The following EFCAB6 variants were observed in gnomAD, a reference collection of about 807,000 sequenced individuals.
EFCAB6 encodes the protein EF-hand calcium binding domain 6.
In EFCAB6, 156 loss-of-function variants were observed where a neutral mutation model predicts 169.8. The ratio of observed to expected loss-of-function variants is 0.92; its 90% CI spans 0.81 to 1.05. EFCAB6 has a LOEUF of 1.05. Ranked by LOEUF, EFCAB6 falls within the 50% of genes least tolerant of loss-of-function variation. The probability of loss-of-function intolerance (pLI) is 0.00; values close to 1 mark genes in which losing one functional copy is unlikely to be tolerated. For synonymous variants in EFCAB6, 698 were observed against 676.4 expected (o/e 1.03, Z -0.50); for missense variants, 1,800 against 1,829.1 (o/e 0.98, Z 0.29).
At chr22:43,529,490 G>T (rs1298136150) in intron 31 of EFCAB6, among the ~76,000 whole-genome samples, 1 of 152,202 alleles carries the variant, frequency 6.6e-6, no homozygotes, top group African/African-American at 2.4e-5. Context: ...CTCTCTCCCA[G>T]CTCCTCTGTA....
At chr22:43,771,946 A>C (rs1263676436) in intron 4 of EFCAB6, among the ~76,000 whole-genome samples, 3 of 152,158 alleles carry the variant, frequency 2.0e-5, no homozygotes, top group African/African-American at 7.2e-5. Context: ...GCAGGCATCC[A>C]AGCTTTCACA....
In EFCAB6 at chr22:43,676,290, G is replaced by C. The variant is rs180918306; in HGVS notation, c.1419+1706C>G. 2.1e-3 allele frequency among the ~76,000 whole-genome samples: 312 copies of C among 151,784 alleles called. 1 individual carries two copies. The highest frequency in any genetic ancestry group is 2.4e-3 in the Non-Finnish European group (161 of 67,950). On this transcript the variant is annotated intron_variant, in intron 13 of 31. Coordinates refer to ENST00000262726, the MANE Select transcript of EFCAB6 (RefSeq NM_022785.4). ...AAATTAGCCGGGTGTGGTGGTAGGC[G>C]CCTATAGTCCCAGCTACTTGGGAGG...
At chr22:43,798,170 G>C (rs960748496) in intron 2 of EFCAB6, among the ~76,000 whole-genome samples, 6 of 152,046 alleles carry the variant, frequency 3.9e-5, no homozygotes, top group Non-Finnish European at 5.9e-5. Flanking sequence ...TGAATCACAA[G>C]GTCAGGAGTT....
chr22:43,768,775 C>T (rs2061389283), intron 4 of EFCAB6, among the ~76,000 whole-genome samples: 1 of 152,106 alleles, frequency 6.6e-6, no homozygotes. Flanking sequence ...TTTGCTCTTC[C>T]TGCATAACTG....
intron 10 of EFCAB6, among the ~76,000 whole-genome samples, chr22:43,689,743 G>C (rs1001845520): frequency 1.3e-5 from 2 of 152,156 alleles, no homozygotes; most frequent in African/African-American, 4.8e-5. Context: ...AGTGCAAAGT[G>C]GGAAAGGGAG....
At chr22:43,606,475 G>A (rs902652791) in intron 22 of EFCAB6, among the ~76,000 whole-genome samples, 10 of 152,222 alleles carry the variant, frequency 6.6e-5, no homozygotes, top group Admixed American at 2.0e-4. Context: ...TGCATGCCAC[G>A]CCCTGGGCTA....
intron 22 of EFCAB6, among the ~76,000 whole-genome samples, chr22:43,605,178 G>A (rs1263286430): frequency 6.6e-6 from 1 of 152,158 alleles, no homozygotes; most frequent in Non-Finnish European, 1.5e-5. Context: ...ATCGGATGTC[G>A]CTGACTCTAT....
chr22:43,594,441 T>C (rs561503613), intron 23 of EFCAB6, among the ~76,000 whole-genome samples: 1 of 151,984 alleles, frequency 6.6e-6, no homozygotes, highest in Non-Finnish European at 1.5e-5. Context: ...AGTAAAGAAA[T>C]TGAAAAAGAT....
intron 17 of EFCAB6, among the ~76,000 whole-genome samples, chr22:43,655,833 G>A (rs767275669): frequency 1.5e-4 from 23 of 152,112 alleles, no homozygotes; most frequent in African/African-American, 2.7e-4. Flanking sequence ...AAAGAAAGCC[G>A]AAGTGACTAC....
intron 6 of EFCAB6, among the ~76,000 whole-genome samples, chr22:43,739,695 T>A (rs960474244): frequency 6.6e-6 from 1 of 152,142 alleles, no homozygotes; most frequent in Non-Finnish European, 1.5e-5. Context: ...GATTCCTTTT[T>A]GTTCACATCC....
intron 22 of EFCAB6, among the ~76,000 whole-genome samples, chr22:43,601,297 T>C (rs2052505892): frequency 6.6e-6 from 1 of 152,260 alleles, no homozygotes; most frequent in African/African-American, 2.4e-5. Flanking sequence ...ATAGAATTAC[T>C]TCAATAAAAA....
At chr22:43,731,416 C>T (rs368268994) in intron 8 of EFCAB6, among the ~76,000 whole-genome samples, 20 of 152,298 alleles carry the variant, frequency 1.3e-4, no homozygotes, top group African/African-American at 1.7e-4. Flanking sequence ...TTTTCCAATC[C>T]GCTACAGATA....
intron 2 of EFCAB6, among the ~76,000 whole-genome samples, chr22:43,783,298 T>G (rs1198029971): frequency 6.6e-6 from 1 of 152,156 alleles, no homozygotes; most frequent in Non-Finnish European, 1.5e-5. Flanking sequence ...GGGAATGAGA[T>G]GTCGATAGGG....
chr22:43,570,151 T>C (rs1263610337), intron 26 of EFCAB6: 1 of 152,178 alleles, frequency 6.6e-6, no homozygotes, highest in Non-Finnish European at 1.5e-5. Flanking sequence ...CTTCAAGTTA[T>C]TTAACATATA....
At chr22:43,644,344 G>A (rs901654056) in intron 17 of EFCAB6, among the ~76,000 whole-genome samples, 2 of 152,152 alleles carry the variant, frequency 1.3e-5, no homozygotes, top group African/African-American at 4.8e-5. Flanking sequence ...CAAGCAGGGA[G>A]GAGGTAACAG....
intron 8 of EFCAB6, among the ~76,000 whole-genome samples, chr22:43,722,470 G>T (rs951458557): frequency 2.0e-5 from 3 of 151,634 alleles, no homozygotes; most frequent in African/African-American, 7.3e-5. Context: ...GGCAGAGGTT[G>T]CAGTGAGCCG....
At chr22:43,648,656 T>C (rs2056309525) in intron 17 of EFCAB6, among the ~76,000 whole-genome samples, 1 of 152,186 alleles carries the variant, frequency 6.6e-6, no homozygotes, top group Admixed American at 6.5e-5. Context: ...AACCTCAGCA[T>C]TCTGCAAAAT....
intron 8 of EFCAB6, among the ~76,000 whole-genome samples, chr22:43,720,248 T>A (rs2059474166): frequency 6.6e-6 from 1 of 151,812 alleles, no homozygotes; most frequent in South Asian, 2.1e-4. Context: ...CTGGGCACAG[T>A]GGCTTACACA....
intron 24 of EFCAB6, among the ~76,000 whole-genome samples, chr22:43,587,354 T>C (rs2051146687): frequency 6.6e-6 from 1 of 152,230 alleles, no homozygotes; most frequent in African/African-American, 2.4e-5. Flanking sequence ...TATGGCTTTG[T>C]ACCAAAATAG....
Sources: allele counts gnomAD v4.1 joint callset (sites outside exome capture counted in the v4.1 genomes callset), GRCh38; gene constraint gnomAD v4.1.1; transcripts MANE v1.5; gene names NCBI Gene and HGNC (gene_info 2026-07-23, HGNC 2026-07-21).